The following AKAP6 variants were observed in gnomAD, a reference collection of about 807,000 sequenced individuals.
The protein encoded by AKAP6 is A-kinase anchoring protein 6.
In AKAP6, 58 loss-of-function variants were observed where a neutral mutation model predicts 188.5. The observed-to-expected ratio is 0.31, with a 90% confidence interval of 0.25 to 0.38. The LOEUF is 0.38. AKAP6 is among the 10% of genes least tolerant of loss of function. The pLI is 1.00. For synonymous variants in AKAP6, 989 were observed against 998.6 expected (o/e 0.99, Z 0.18); for missense variants, 2,710 against 2,740.0 (o/e 0.99, Z 0.24).
chr14:32,443,398 A>C (rs11628449), intron 2 of AKAP6, among the ~76,000 whole-genome samples: 106,852 of 149,754 alleles, frequency 0.71, 38,844 homozygotes, highest in African/African-American at 0.85. Context: ...ATCTCAAAAC[A>C]AAACAAAACA....
intron 2 of AKAP6, among the ~76,000 whole-genome samples, chr14:32,480,451 C>T (rs779966922): frequency 5.3e-5 from 8 of 152,018 alleles, no homozygotes; most frequent in Admixed American, 2.0e-4. Context: ...AAAGTTGTGC[C>T]GTAGTCATGA....
At chr14:32,595,085 T>C (rs1239757016) in intron 5 of AKAP6, among the ~76,000 whole-genome samples, 1 of 152,136 alleles carries the variant, frequency 6.6e-6, no homozygotes, top group Non-Finnish European at 1.5e-5. Flanking sequence ...AAAAAAAATA[T>C]GAGCACGCAG....
At chr14:32,443,924 C>T (rs930986135) in intron 2 of AKAP6, among the ~76,000 whole-genome samples, 1 of 152,080 alleles carries the variant, frequency 6.6e-6, no homozygotes, top group African/African-American at 2.4e-5. Flanking sequence ...ATGAGAGACA[C>T]AAACATCTTT....
Position 32,822,902 on chromosome 14 carries a change from C to T in AKAP6, c.5089C>T (p.Leu1697Phe). Residue 1697 changes from leucine (L) to phenylalanine (F), a missense_variant, in exon 13 of 14, where the codon CTC (leucine) becomes TTC (phenylalanine). Transcript: ENST00000280979. ...AACAGAACTTAGCAGCAGTGACGAG[C>T]TCTCTCTTTGCTCAGAGGATATTGT... is the stretch of plus-strand genomic sequence containing the variant. ...SLTELSSSDE[L>F]SLCSEDIVLH... The T allele has an allele frequency of 1.2e-6, 2 of 1,613,886 alleles. No individual in the cohort carries two copies. Among genetic ancestry groups the T allele is most frequent in the Non-Finnish European group, 1.7e-6 (2 of 1,179,924 alleles).
intron 9 of AKAP6, among the ~76,000 whole-genome samples, chr14:32,707,077 T>C (rs544141683): frequency 2.0e-5 from 3 of 152,228 alleles, no homozygotes; most frequent in Middle Eastern, 3.4e-3. Context: ...ATTTTAGCCT[T>C]AAAAACTGGG....
intron 9 of AKAP6, among the ~76,000 whole-genome samples, chr14:32,723,316 G>C (rs1327956870): frequency 6.6e-6 from 1 of 152,066 alleles, no homozygotes; most frequent in Non-Finnish European, 1.5e-5. Context: ...GGGTGAAATG[G>C]GGTGGTTATT....
intron 2 of AKAP6, among the ~76,000 whole-genome samples, chr14:32,504,181 A>G (rs66500783): frequency 0.39 from 58,816 of 151,876 alleles, 11,677 homozygotes; most frequent in East Asian, 0.4. Flanking sequence ...TATCTTTGTT[A>G]TTGCTATATT....
At chr14:32,662,509 G>A (rs1888746663) in intron 7 of AKAP6, among the ~76,000 whole-genome samples, 1 of 152,032 alleles carries the variant, frequency 6.6e-6, no homozygotes, top group African/African-American at 2.4e-5. Flanking sequence ...GTCTCCTCGT[G>A]GTGTGTCTCT....
chr14:32,540,168 C>A (rs12884321), intron 3 of AKAP6, among the ~76,000 whole-genome samples: 12,357 of 59,918 alleles, frequency 0.21, 1,555 homozygotes, highest in African/African-American at 0.27. Flanking sequence ...CTCTCTCTCT[C>A]TATATATATA....
At chr14:32,625,192 A>C (rs1321198761) in intron 7 of AKAP6, among the ~76,000 whole-genome samples, 1 of 152,096 alleles carries the variant, frequency 6.6e-6, no homozygotes, top group Non-Finnish European at 1.5e-5. Context: ...TAAACTGCCT[A>C]GGATAGATTC....
At chr14:32,739,923 A>G (rs1311414350) in intron 11 of AKAP6, among the ~76,000 whole-genome samples, 1 of 152,038 alleles carries the variant, frequency 6.6e-6, no homozygotes, top group African/African-American at 2.4e-5. Context: ...TGGTAGCTCT[A>G]TTTTTAGTTT....
Position 32,540,161 on chromosome 14 carries a change from TC to T in AKAP6, c.576+4357del, listed in dbSNP as rs1253663866. On this transcript the variant is annotated intron_variant, in intron 3 of 13. Transcript: ENST00000280979. ...CTCTCTCTCTCTCTCTCTCTCTCTC[TC>T]TCTCTCTATATATATATATATATAT... Among the ~76,000 whole-genome samples the T allele has an allele frequency of 3.7e-4, 43 of 117,452 alleles. 1 individual carries two copies. The highest frequency in any genetic ancestry group is 1.5e-3 in the African/African-American group (38 of 25,904). 77.1% of individuals were successfully genotyped at this position (117,452 alleles called of 152,430 possible).
rs2034525547 is a variant in AKAP6 at position 32,821,729 on chromosome 14, A to G, written c.3916A>G (p.Lys1306Glu). 2 of 1,613,828 alleles carry G rather than the reference A, an allele frequency of 1.2e-6. No individual in the cohort carries two copies. The highest frequency in any genetic ancestry group is 4.5e-5 in the East Asian group (2 of 44,864). The change falls in exon 13 of 14, where the codon AAA (lysine) becomes GAA (glutamate). Residue 1306 changes from lysine (K) to glutamate (E), a missense_variant. By Grantham distance (56) the Lys-to-Glu change is moderately conservative. Transcript: ENST00000280979. ...LYEDNHMPFL[K>E]NNPKVTGMTQ... ...TGAGGACAACCACATGCCATTTCTG[A>G]AAAACAATCCAAAGGTCACTGGCAT...
At chr14:32,589,541 G>A (rs1566592213) in intron 5 of AKAP6, among the ~76,000 whole-genome samples, 1 of 152,112 alleles carries the variant, frequency 6.6e-6, no homozygotes. Context: ...CTAATTTTGT[G>A]CATCTAGAAG....
At chr14:32,553,381 C>T (rs1366465358) in intron 4 of AKAP6, among the ~76,000 whole-genome samples, 1 of 152,026 alleles carries the variant, frequency 6.6e-6, no homozygotes, top group African/African-American at 2.4e-5. Flanking sequence ...ATCACGTTGG[C>T]CAGACTGGTC....
chr14:32,432,401 C>G (rs1014900204), intron 1 of AKAP6, among the ~76,000 whole-genome samples: 2 of 152,060 alleles, frequency 1.3e-5, no homozygotes, highest in Non-Finnish European at 2.9e-5. Context: ...TGCCACCTTA[C>G]TTTTTGATGA....
intron 1 of AKAP6, among the ~76,000 whole-genome samples, chr14:32,379,493 A>G (rs917362623): frequency 5.3e-5 from 8 of 151,886 alleles, no homozygotes; most frequent in African/African-American, 1.7e-4. Flanking sequence ...TTCTTCTCTC[A>G]TTTCCTTTTT....
chr14:32,638,070 G>A (rs1005999448), intron 7 of AKAP6, among the ~76,000 whole-genome samples: 5 of 152,058 alleles, frequency 3.3e-5, no homozygotes, highest in East Asian at 1.9e-4. Context: ...GCTTGGAAAA[G>A]GCTATAAGAA....
chr14:32,368,559 G>A (rs1482990233), intron 1 of AKAP6, among the ~76,000 whole-genome samples: 1 of 152,066 alleles, frequency 6.6e-6, no homozygotes, highest in African/African-American at 2.4e-5. Context: ...AGATTAGGGG[G>A]ATACTAGAGG....
Sources: gnomAD v4.1 joint callset for allele counts (sites outside exome capture counted in the v4.1 genomes callset) on GRCh38, gnomAD v4.1.1 for gene constraint, MANE v1.5 for transcripts, NCBI Gene and HGNC (gene_info 2026-07-23, HGNC 2026-07-21) for gene names.